The following FBXO4 variants were observed in gnomAD, a reference collection of about 807,000 sequenced individuals.
FBXO4 encodes F-box protein 4.
FBXO4 carries 36 observed loss-of-function variants against 43.7 expected under a neutral mutation model. The ratio of observed to expected loss-of-function variants is 0.82; its 90% CI spans 0.63 to 1.09. The LOEUF (loss-of-function observed/expected upper bound fraction) is 1.09. FBXO4 is among the 50% of genes least tolerant of loss of function. The probability of loss-of-function intolerance (pLI) is 0.00; values close to 1 mark genes in which losing one functional copy is unlikely to be tolerated. For synonymous variants in FBXO4, 180 were observed against 165.6 expected, an observed-to-expected ratio of 1.09 and a Z score of -0.67; for missense variants, 435 against 474.1, an observed-to-expected ratio of 0.92 and a Z score of 0.77.
the FBXO4 span, among the ~76,000 whole-genome samples, chr5:41,976,346 C>T: frequency 1.3e-5 from 2 of 152,226 alleles, no homozygotes; most frequent in East Asian, 1.9e-4. Flanking sequence ...AGTTCAAATC[C>T]AAAGTTTCAT....
the FBXO4 span, among the ~76,000 whole-genome samples, chr5:41,957,685 A>G: frequency 5.3e-3 from 807 of 151,848 alleles, 3 homozygotes; most frequent in Non-Finnish European, 9.2e-3. Context: ...TCATATTTTA[A>G]AGTCCCTCTT....
chr5:42,016,128 T>C, the FBXO4 span, among the ~76,000 whole-genome samples: 1,221 of 152,286 alleles, frequency 8.0e-3, 8 homozygotes, highest in Middle Eastern at 0.027. Context: ...AGTAGCGAGC[T>C]AGAAAACTGT....
At chr5:42,024,666 G>A in the FBXO4 span, among the ~76,000 whole-genome samples, 1 of 151,754 alleles carries the variant, frequency 6.6e-6, no homozygotes, top group Non-Finnish European at 1.5e-5. Flanking sequence ...TAAATATTTT[G>A]GACCCACCAA....
chr5:41,937,174 G>T (rs1751873559), intron 5 of FBXO4, among the ~76,000 whole-genome samples: 1 of 152,122 alleles, frequency 6.6e-6, no homozygotes, highest in African/African-American at 2.4e-5. Context: ...GATTGAAGAT[G>T]CTCAGAGAAT....
At chr5:41,967,239 G>T in the FBXO4 span, 5 of 486,654 alleles carry the variant, frequency 1.0e-5, no homozygotes, top group East Asian at 2.6e-4. Flanking sequence ...CATTAGCATT[G>T]CCACTGTCAT....
At chr5:41,976,941 T>C in the FBXO4 span, among the ~76,000 whole-genome samples, 1 of 152,328 alleles carries the variant, frequency 6.6e-6, no homozygotes, top group South Asian at 2.1e-4. Flanking sequence ...CCTTCATGCC[T>C]GCATTCTGTG....
At chr5:41,999,428 A>G in the FBXO4 span, among the ~76,000 whole-genome samples, 1,266 of 139,888 alleles carry the variant, frequency 9.1e-3, 21 homozygotes, top group African/African-American at 0.032. Flanking sequence ...ATAAATATAT[A>G]TATAAAATAT....
chr5:42,010,211 C>T, the FBXO4 span, among the ~76,000 whole-genome samples: 11 of 152,054 alleles, frequency 7.2e-5, no homozygotes, highest in Non-Finnish European at 1.3e-4. Context: ...GAATTTTCTT[C>T]TTTTCTGGGC....
chr5:41,937,829 G>A (rs1221014024), intron 5 of FBXO4, among the ~76,000 whole-genome samples: 4 of 152,168 alleles, frequency 2.6e-5, no homozygotes, highest in African/African-American at 9.7e-5. Flanking sequence ...GGAAAGACAG[G>A]GCTGCAAGCC....
At chr5:42,018,512 A>G in the FBXO4 span, among the ~76,000 whole-genome samples, 3 of 152,184 alleles carry the variant, frequency 2.0e-5, no homozygotes, top group Non-Finnish European at 2.9e-5. Flanking sequence ...AAAGAAGATT[A>G]TGTGATTATC....
At chr5:42,013,435 T>C in the FBXO4 span, among the ~76,000 whole-genome samples, 2 of 152,182 alleles carry the variant, frequency 1.3e-5, no homozygotes, top group Non-Finnish European at 2.9e-5. Context: ...ACTCAAATGG[T>C]CTTATTGGCT....
chr5:41,977,565 A>G, the FBXO4 span, among the ~76,000 whole-genome samples: 7 of 152,190 alleles, frequency 4.6e-5, no homozygotes, highest in Admixed American at 1.3e-4. Flanking sequence ...TTGCTAATGC[A>G]TAACAAGTGT....
At chr5:41,999,570 T>C in the FBXO4 span, among the ~76,000 whole-genome samples, 1 of 139,872 alleles carries the variant, frequency 7.1e-6, no homozygotes, top group Admixed American at 7.5e-5. Context: ...TATGTATATA[T>C]ATATAGTAGT....
At chr5:41,970,438 T>G in the FBXO4 span, among the ~76,000 whole-genome samples, 1 of 151,976 alleles carries the variant, frequency 6.6e-6, no homozygotes, top group Non-Finnish European at 1.5e-5. Flanking sequence ...AGAAAACCAG[T>G]TATAAAATAT....
chr5:41,990,818 T>G, the FBXO4 span, among the ~76,000 whole-genome samples: 1 of 152,218 alleles, frequency 6.6e-6, no homozygotes, highest in African/African-American at 2.4e-5. Flanking sequence ...AATTTTAATA[T>G]TAGGCCAGGC....
chr5:41,945,528 G>C (rs551096505), downstream of FBXO4, among the ~76,000 whole-genome samples: 8 of 152,336 alleles, frequency 5.3e-5, no homozygotes, highest in African/African-American at 1.7e-4. Flanking sequence ...TGGACTGCCA[G>C]AATGAGACAA....
At chr5:42,035,158 G>C in the FBXO4 span, among the ~76,000 whole-genome samples, 3 of 151,930 alleles carry the variant, frequency 2.0e-5, no homozygotes, top group African/African-American at 7.3e-5. Context: ...TGTGATTTTT[G>C]CACATTGATT....
At chr5:41,982,905 T>TCC in the FBXO4 span, among the ~76,000 whole-genome samples, 4 of 152,104 alleles carry the variant, frequency 2.6e-5, no homozygotes, top group Admixed American at 1.3e-4. Flanking sequence ...TGTGTGATGT[T>TCC]CCCCTCTCTG....
At chr5:42,004,542 G>A in the FBXO4 span, among the ~76,000 whole-genome samples, 11 of 152,114 alleles carry the variant, frequency 7.2e-5, no homozygotes, top group Non-Finnish European at 1.5e-4. Flanking sequence ...AATAATACAT[G>A]TAAGTTTAAA....
Sources: gnomAD v4.1 joint callset for allele counts (sites outside exome capture counted in the v4.1 genomes callset) on GRCh38, gnomAD v4.1.1 for gene constraint, MANE v1.5 for transcripts, NCBI Gene and HGNC (gene_info 2026-07-23, HGNC 2026-07-21) for gene names.